Variants in ARHGAP42 observed in about 807,000 individuals in gnomAD.
The protein encoded by ARHGAP42 is rho GTPase-activating protein 42.
In ARHGAP42, 63 loss-of-function variants were observed where a neutral mutation model predicts 125.0. The observed-to-expected ratio is 0.50, with a 90% CI of 0.41 to 0.62. ARHGAP42 has a LOEUF of 0.62. Ranked by LOEUF, ARHGAP42 falls within the 20% of genes least tolerant of loss-of-function variation. The pLI, the probability that ARHGAP42 is intolerant of heterozygous loss-of-function variation, is 0.00. For synonymous variants in ARHGAP42, 339 were observed against 351.0 expected (o/e 0.97, Z 0.38); for missense variants, 766 against 1,024.2 (o/e 0.75, Z 3.44).
At chr11:100,900,872 T>C (rs1371180136) in intron 4 of ARHGAP42, among the ~76,000 whole-genome samples, 1 of 152,182 alleles carries the variant, frequency 6.6e-6, no homozygotes, top group African/African-American at 2.4e-5. Flanking sequence ...ATTACCGACC[T>C]TCTGAAACCT....
rs1555021103 is a variant in ARHGAP42 at position 100,903,153 on chromosome 11, A to ACT, written c.385-10298_385-10297insTC. 4.0e-5 allele frequency among the ~76,000 whole-genome samples: 6 copies of ACT among 151,832 alleles called. No homozygotes were observed. In the East Asian group the frequency reaches 1.2e-3, roughly 29 times the overall value. ...CACACACACACACACACACACACAC[A>ACT]CACCAAGCTTTAGCAGGCAAGCTTT... On this transcript the variant is annotated intron_variant, in intron 4 of 23. Coordinates refer to ENST00000298815, the MANE Select transcript of ARHGAP42 (RefSeq NM_152432.4).
At chr11:100,834,805 G>A (rs1409913193) in intron 3 of ARHGAP42, among the ~76,000 whole-genome samples, 1 of 150,986 alleles carries the variant, frequency 6.6e-6, no homozygotes, top group East Asian at 1.9e-4. Flanking sequence ...ATCCATTATG[G>A]GGCCCCCTTC....
chr11:100,972,182 T>C (rs574927207), intron 17 of ARHGAP42, among the ~76,000 whole-genome samples: 19 of 152,296 alleles, frequency 1.2e-4, no homozygotes, highest in African/African-American at 4.6e-4. Context: ...CTTTTGGTTG[T>C]AGAATGCAGT....
intron 1 of ARHGAP42, among the ~76,000 whole-genome samples, chr11:100,692,422 T>C (rs1861206908): frequency 6.6e-6 from 1 of 152,174 alleles, no homozygotes; most frequent in Admixed American, 6.6e-5. Flanking sequence ...TAATGGATGA[T>C]GTTATTGTGC....
intron 3 of ARHGAP42, among the ~76,000 whole-genome samples, chr11:100,799,567 TG>T (rs2135040254): frequency 6.6e-6 from 1 of 152,128 alleles, no homozygotes; most frequent in South Asian, 2.1e-4. Context: ...ATGACAGAAA[TG>T]GGAAAGAGAG....
intron 1 of ARHGAP42, among the ~76,000 whole-genome samples, chr11:100,733,825 G>GGA (rs1259697200): frequency 4.8e-4 from 15 of 31,384 alleles, no homozygotes; most frequent in African/African-American, 1.9e-3. Context: ...ATTCTGTCTG[G>GGA]AAAAAAAAAA....
chr11:100,804,018 A>G (rs1019010730), intron 3 of ARHGAP42, among the ~76,000 whole-genome samples: 1 of 152,188 alleles, frequency 6.6e-6, no homozygotes, highest in Admixed American at 6.5e-5. Context: ...TAGAGACAGA[A>G]TCTCACTCTG....
intron 7 of ARHGAP42, 38 bp from the exon 8 acceptor site, chr11:100,936,165 A>C: frequency 6.5e-7 from 1 of 1,548,800 alleles, no homozygotes; most frequent in Non-Finnish European, 8.7e-7. Context: ...AACTTGGTAG[A>C]AAATAATGAC....
At chr11:100,934,665 G>A (rs1280440539) in intron 7 of ARHGAP42, among the ~76,000 whole-genome samples, 5 of 152,108 alleles carry the variant, frequency 3.3e-5, no homozygotes, top group Admixed American at 3.3e-4. Context: ...CTGAAACCCT[G>A]ACTGCCAAGT....
intron 4 of ARHGAP42, among the ~76,000 whole-genome samples, chr11:100,894,272 T>A (rs1379725277): frequency 6.6e-6 from 1 of 152,214 alleles, no homozygotes; most frequent in Non-Finnish European, 1.5e-5. Flanking sequence ...TAGTCTAGAC[T>A]TTCATGAGCT....
chr11:100,725,949 A>AG (rs1230855930), intron 1 of ARHGAP42, among the ~76,000 whole-genome samples: 2 of 150,670 alleles, frequency 1.3e-5, no homozygotes, highest in Admixed American at 6.6e-5. Context: ...AAAAAAAAAA[A>AG]AAGCCAGGCA....
chr11:100,865,383 A>T (rs1188551609), intron 4 of ARHGAP42, among the ~76,000 whole-genome samples: 1 of 152,226 alleles, frequency 6.6e-6, no homozygotes, highest in Non-Finnish European at 1.5e-5. Flanking sequence ...TTTAAGAAGT[A>T]TTACAAATGC....
chr11:100,905,350 C>CA (rs1866695862), intron 4 of ARHGAP42, among the ~76,000 whole-genome samples: 1 of 152,198 alleles, frequency 6.6e-6, no homozygotes, highest in Admixed American at 6.5e-5. Context: ...TATGCCTTCA[C>CA]ATATGATTAG....
chr11:100,830,736 TATAATA>T (rs146609547), intron 3 of ARHGAP42, among the ~76,000 whole-genome samples: 3,434 of 152,242 alleles, frequency 0.023, 47 homozygotes, highest in Non-Finnish European at 0.024. Flanking sequence ...TAGTGCCAAC[TATAATA>T]ATAATATCAT....
intron 3 of ARHGAP42, among the ~76,000 whole-genome samples, chr11:100,827,160 G>A (rs749199396): frequency 1.3e-5 from 2 of 151,834 alleles, no homozygotes; most frequent in Non-Finnish European, 2.9e-5. Flanking sequence ...CTGCCACCAC[G>A]CCCAACTAAT....
chr11:100,975,646 C>A (rs189416358), intron 19 of ARHGAP42, among the ~76,000 whole-genome samples: 14 of 152,200 alleles, frequency 9.2e-5, no homozygotes, highest in African/African-American at 1.4e-4. Flanking sequence ...TAAAAGAAAG[C>A]AGAAATATGT....
At chr11:100,869,472 C>T (rs1432710276) in intron 4 of ARHGAP42, among the ~76,000 whole-genome samples, 1 of 150,754 alleles carries the variant, frequency 6.6e-6, no homozygotes, top group African/African-American at 2.4e-5. Flanking sequence ...TGTGAGGTAT[C>T]AGCCCTGACT....
chr11:100,784,210 T>G lies in ARHGAP42; in HGVS notation c.251-10895T>G, dbSNP rs544160734. 7.9e-5 allele frequency among the ~76,000 whole-genome samples: 12 copies of G among 152,268 alleles called. No individual in the cohort carries two copies. The South Asian group carries it at 2.5e-3, about 32-fold the overall frequency. Reference sequence around the variant, plus strand: ...AGTTTCTAAGTGCAAAGTTTGAGATTAGAAATAGTAGCATCTTGGACTAAG... The same window carrying G: ...AGTTTCTAAGTGCAAAGTTTGAGATGAGAAATAGTAGCATCTTGGACTAAG... On this transcript the variant is annotated intron_variant, in intron 2 of 23. Transcript: ENST00000298815.
intron 4 of ARHGAP42, among the ~76,000 whole-genome samples, chr11:100,879,373 T>TC (rs1378444257): frequency 6.6e-6 from 1 of 152,214 alleles, no homozygotes; most frequent in African/African-American, 2.4e-5. Context: ...CGTCTGTGCT[T>TC]AACTGTCAAT....
Sources: allele counts gnomAD v4.1 joint callset (sites outside exome capture counted in the v4.1 genomes callset), GRCh38; gene constraint gnomAD v4.1.1; transcripts MANE v1.5; gene names NCBI Gene and HGNC (gene_info 2026-07-23, HGNC 2026-07-21).